JAKMIP2: variants seen among roughly 807,000 people sequenced by gnomAD.
JAKMIP2 encodes janus kinase and microtubule-interacting protein 2.
In JAKMIP2, 25 loss-of-function variants were observed where a neutral mutation model predicts 115.0. The observed-to-expected ratio is 0.22, with a 90% confidence interval of 0.16 to 0.30. The LOEUF (loss-of-function observed/expected upper bound fraction) is 0.30, where lower values mean the gene tolerates loss of function less well. Among genes scored for constraint, JAKMIP2 ranks in the 10% least tolerant of loss-of-function variants. JAKMIP2 has a pLI of 1.00. For synonymous variants in JAKMIP2, 334 were observed against 343.6 expected (o/e 0.97, Z 0.31); for missense variants, 642 against 957.6 (o/e 0.67, Z 4.35).
chr5:147,766,954 A>G (rs899431984), intron 1 of JAKMIP2, among the ~76,000 whole-genome samples: 13 of 152,190 alleles, frequency 8.5e-5, no homozygotes, highest in African/African-American at 3.1e-4. Context: ...AAGCCCTTAA[A>G]TAAACCAAAA....
At chr5:147,731,793 A>C (rs552146482) in intron 1 of JAKMIP2, among the ~76,000 whole-genome samples, 1 of 152,276 alleles carries the variant, frequency 6.6e-6, no homozygotes, top group South Asian at 2.1e-4. Context: ...AGATTTCAAA[A>C]CTATTTTGTT....
intron 1 of JAKMIP2, among the ~76,000 whole-genome samples, chr5:147,752,487 C>G (rs973248582): frequency 1.4e-4 from 22 of 152,192 alleles, no homozygotes; most frequent in African/African-American, 5.1e-4. Flanking sequence ...ACAGCTATGT[C>G]CAGTCATTTA....
rs573618990 is a variant in JAKMIP2 at position 147,620,226 on chromosome 5, C to T, written c.2142+440G>A. 8.1e-4 allele frequency among the ~76,000 whole-genome samples: 123 copies of T among 152,232 alleles called. 1 individual carries two copies. The highest frequency in any genetic ancestry group is 2.8e-3 in the African/African-American group (117 of 41,544). ...CCTCCCTCCTCAGCCTCCTTAGTGG[C>T]TAGTACTACAAAGTGCATGTCACCA... On this transcript the variant is annotated intron_variant, in intron 18 of 21. Coordinates refer to ENST00000616793, the MANE Select transcript of JAKMIP2 (RefSeq NM_001270941.2).
chr5:147,599,339 CT>C (rs1314614673), intron 21 of JAKMIP2, among the ~76,000 whole-genome samples: 10 of 152,150 alleles, frequency 6.6e-5, no homozygotes, highest in Non-Finnish European at 2.9e-5. Flanking sequence ...ATTAAATAAA[CT>C]GCCTATCATC....
chr5:147,637,502 C>T (rs966614084), intron 10 of JAKMIP2, among the ~76,000 whole-genome samples: 1 of 139,714 alleles, frequency 7.2e-6, no homozygotes, highest in African/African-American at 2.7e-5. Context: ...TGCAGTGGCA[C>T]AATCTCAGCT....
intron 20 of JAKMIP2, among the ~76,000 whole-genome samples, chr5:147,604,489 T>C (rs1232926663): frequency 2.6e-5 from 4 of 152,110 alleles, no homozygotes; most frequent in East Asian, 3.9e-4. Context: ...ACCCACCCTA[T>C]ATAAAAATCT....
chr5:147,624,068 C>T (rs1009326727), intron 16 of JAKMIP2, among the ~76,000 whole-genome samples: 44 of 152,024 alleles, frequency 2.9e-4, no homozygotes, highest in Admixed American at 7.9e-4. Flanking sequence ...CTCTTGACCT[C>T]ATGATCCACC....
chr5:147,613,143 C>T (rs138102340), intron 19 of JAKMIP2, among the ~76,000 whole-genome samples: 3 of 152,184 alleles, frequency 2.0e-5, no homozygotes, highest in East Asian at 1.9e-4. Context: ...ATTTAAACAC[C>T]GAATATTTGA....
At chr5:147,765,985 A>C (rs1439146032) in intron 1 of JAKMIP2, among the ~76,000 whole-genome samples, 1 of 152,156 alleles carries the variant, frequency 6.6e-6, no homozygotes, top group East Asian at 1.9e-4. Flanking sequence ...CAACCAGTCA[A>C]GGCAATTTTA....
At chr5:147,769,760 G>A (rs139923061) in intron 1 of JAKMIP2, among the ~76,000 whole-genome samples, 434 of 135,666 alleles carry the variant, frequency 3.2e-3, no homozygotes, top group Non-Finnish European at 5.1e-3. Context: ...TATCCTCCTT[G>A]CCTTTTCCTT....
intron 4 of JAKMIP2, among the ~76,000 whole-genome samples, chr5:147,650,104 A>G (rs1236992614): frequency 6.6e-6 from 1 of 152,202 alleles, no homozygotes; most frequent in Non-Finnish European, 1.5e-5. Context: ...GGCTAGAAAA[A>G]TTCTAGGAAG....
intron 1 of JAKMIP2, among the ~76,000 whole-genome samples, chr5:147,677,864 T>G (rs186525642): frequency 6.6e-6 from 1 of 152,322 alleles, no homozygotes; most frequent in East Asian, 1.9e-4. Context: ...AACTTTTAAG[T>G]ATACAACACA....
chr5:147,719,057 T>C (rs2126935066), intron 1 of JAKMIP2, among the ~76,000 whole-genome samples: 1 of 138,980 alleles, frequency 7.2e-6, no homozygotes, highest in South Asian at 2.6e-4. Context: ...GTCTTTGTTC[T>C]CATTGGTTTC....
chr5:147,631,752 A>G (rs183508999), intron 13 of JAKMIP2, among the ~76,000 whole-genome samples: 21 of 152,326 alleles, frequency 1.4e-4, no homozygotes, highest in African/African-American at 5.0e-4. Context: ...TTGATCAGGG[A>G]AATGCAGGAA....
chr5:147,675,220 C>T (rs922303327), intron 1 of JAKMIP2, among the ~76,000 whole-genome samples: 6 of 151,236 alleles, frequency 4.0e-5, no homozygotes, highest in Non-Finnish European at 8.8e-5. Context: ...AACTTAGTCC[C>T]ACAAAGGGTG....
chr5:147,613,312 T>C (rs1403703424), intron 19 of JAKMIP2, among the ~76,000 whole-genome samples: 2 of 151,842 alleles, frequency 1.3e-5, no homozygotes, highest in African/African-American at 4.8e-5. Flanking sequence ...AGAAATGGAG[T>C]CTATGGAGAA....
rs934440325 is a variant in JAKMIP2 at position 147,781,864 on chromosome 5, A to G, written c.-149+592T>C. 3.3e-5 allele frequency among the ~76,000 whole-genome samples: 5 copies of G among 152,226 alleles called. 1 individual carries two copies. The highest frequency in any genetic ancestry group is 9.6e-5 in the African/African-American group (4 of 41,462). ...AGTGACATGTGTATATATGATCTGT[A>G]TATCCATAAGATATACATGTGTAAG... On this transcript the variant is annotated intron_variant, in intron 1 of 21. Coordinates refer to ENST00000616793, the MANE Select transcript of JAKMIP2 (RefSeq NM_001270941.2).
At chr5:147,667,111 T>C (rs1387850929) in intron 2 of JAKMIP2, among the ~76,000 whole-genome samples, 2 of 152,152 alleles carry the variant, frequency 1.3e-5, no homozygotes, top group Middle Eastern at 3.2e-3. Context: ...TTCTCTGGCA[T>C]TGGCAGCATC....
At chr5:147,660,397 A>G (rs892059516) in intron 3 of JAKMIP2, 10 of 434,652 alleles carry the variant, frequency 2.3e-5, no homozygotes, top group African/African-American at 8.2e-5. Flanking sequence ...ATACTTTGGG[A>G]AAAATATCTA....
Sources: gnomAD v4.1 joint callset for allele counts (sites outside exome capture counted in the v4.1 genomes callset) on GRCh38, gnomAD v4.1.1 for gene constraint, MANE v1.5 for transcripts, NCBI Gene and HGNC (gene_info 2026-07-23, HGNC 2026-07-21) for gene names.